KCNMA1: variants seen among roughly 807,000 people sequenced by gnomAD.
KCNMA1 encodes the protein Calcium-activated potassium channel subunit alpha-1.
Under a neutral mutation model 140.0 loss-of-function variants are expected in KCNMA1, and 29 were observed. The observed-to-expected ratio is 0.21, with a 90% CI of 0.15 to 0.28. The LOEUF (loss-of-function observed/expected upper bound fraction) is 0.28, where lower values mean the gene tolerates loss of function less well. Ranked by LOEUF, KCNMA1 falls within the 10% of genes least tolerant of loss-of-function variation. KCNMA1 has a pLI of 1.00. For missense variants in KCNMA1, 880 were observed against 1,602.2 expected (o/e 0.55, Z 7.70); for synonymous variants, 612 against 611.9 (o/e 1.00, Z 0.00).
chr10:77,388,792 G>A (rs544603392), intron 2 of KCNMA1, among the ~76,000 whole-genome samples: 44 of 152,142 alleles, frequency 2.9e-4, no homozygotes, highest in Non-Finnish European at 5.6e-4. Flanking sequence ...TCTCAGCCCC[G>A]GGAAGAGGAA....
intron 5 of KCNMA1, among the ~76,000 whole-genome samples, chr10:77,179,191 A>G (rs2098781296): frequency 6.6e-6 from 1 of 152,180 alleles, no homozygotes; most frequent in East Asian, 1.9e-4. Flanking sequence ...CAGGTGAGAT[A>G]ACTGAGCCTG....
rs550115452 is a variant in KCNMA1, at chr10:76,886,040, C to T, written c.*1226G>A. Reference sequence around the variant, plus strand: ...CTTTCTGCATTGGGACAGCCAGCACCGCACAGCTGTGCCAACAGTTGAAGG... The same window carrying T: ...CTTTCTGCATTGGGACAGCCAGCACTGCACAGCTGTGCCAACAGTTGAAGG... On this transcript the variant is annotated 3_prime_UTR_variant, in exon 28 of 28. Transcript: ENST00000286628. 22 of 985,404 alleles carry T rather than the reference C, an allele frequency of 2.2e-5. No individual in the cohort carries two copies. The African/African-American group carries it at 3.3e-4, about 15-fold the overall frequency. 61.0% of individuals were successfully genotyped at this position (985,404 alleles called of 1,614,324 possible).
chr10:76,921,133 G>A (rs2055598375), intron 23 of KCNMA1, among the ~76,000 whole-genome samples: 1 of 152,104 alleles, frequency 6.6e-6, no homozygotes, highest in African/African-American at 2.4e-5. Flanking sequence ...AAAGGAATTG[G>A]TTCAAATGGT....
chr10:77,421,087 T>C (rs1218702511), intron 1 of KCNMA1, among the ~76,000 whole-genome samples: 2 of 152,272 alleles, frequency 1.3e-5, no homozygotes, highest in African/African-American at 2.4e-5. Context: ...GCCAGGCATC[T>C]GGCCACATAC....
chr10:77,590,637 C>CAGTG (rs1431016904), intron 1 of KCNMA1, among the ~76,000 whole-genome samples: 1 of 152,256 alleles, frequency 6.6e-6, no homozygotes, highest in Non-Finnish European at 1.5e-5. Context: ...GGGGCTCCCA[C>CAGTG]AGTGCAGCAG....
intron 1 of KCNMA1, among the ~76,000 whole-genome samples, chr10:77,550,065 C>T (rs7068356): frequency 0.17 from 25,279 of 152,050 alleles, 2,913 homozygotes; most frequent in East Asian, 0.54. Flanking sequence ...GCATTGTGCA[C>T]GCACCCCCAG....
intron 1 of KCNMA1, among the ~76,000 whole-genome samples, chr10:77,495,937 T>C (rs923507627): frequency 4.6e-5 from 7 of 152,124 alleles, no homozygotes; most frequent in Admixed American, 2.0e-4. Context: ...CAGGAAGTCT[T>C]CCTGTGTGGA....
chr10:77,151,226 T>G (rs1310355276), intron 5 of KCNMA1, among the ~76,000 whole-genome samples: 2 of 151,490 alleles, frequency 1.3e-5, no homozygotes, highest in African/African-American at 4.9e-5. Flanking sequence ...CTTTCCTTCT[T>G]TCTTTCTCTT....
At chr10:76,995,316 T>C (rs1006199920) in intron 19 of KCNMA1, 57 of 228,552 alleles carry the variant, frequency 2.5e-4, no homozygotes, top group African/African-American at 1.3e-3. Context: ...ATTTAATAAC[T>C]CTTTGTTAAT....
downstream of KCNMA1, chr10:76,874,696 A>G (rs2032039689): frequency 6.6e-6 from 1 of 152,224 alleles, no homozygotes; most frequent in African/African-American, 2.4e-5. Flanking sequence ...AAAGTACATC[A>G]TAAGGTGCCA....
At chr10:77,500,642 A>C (rs2043532982) in intron 1 of KCNMA1, among the ~76,000 whole-genome samples, 1 of 152,246 alleles carries the variant, frequency 6.6e-6, no homozygotes, top group Admixed American at 6.5e-5. Context: ...AATGACTTTT[A>C]GGCACAAAGG....
intron 3 of KCNMA1, among the ~76,000 whole-genome samples, chr10:77,198,570 T>G (rs1452548444): frequency 1.2e-4 from 10 of 83,368 alleles, no homozygotes; most frequent in Admixed American, 3.4e-4. Flanking sequence ...ATATATGTGA[T>G]ATATATATAT....
intron 23 of KCNMA1, among the ~76,000 whole-genome samples, chr10:76,916,571 G>T (rs941382148): frequency 6.6e-6 from 1 of 152,148 alleles, no homozygotes; most frequent in African/African-American, 2.4e-5. Flanking sequence ...CACTCACTTC[G>T]GTTTCTCCTT....
chr10:77,179,988 T>C (rs927355024), intron 5 of KCNMA1, among the ~76,000 whole-genome samples: 2 of 152,154 alleles, frequency 1.3e-5, no homozygotes, highest in East Asian at 1.9e-4. Context: ...ATGCCGACAA[T>C]TGAAAACTAA....
At chr10:77,229,964 A>G (rs1478512019) in intron 3 of KCNMA1, among the ~76,000 whole-genome samples, 1 of 152,240 alleles carries the variant, frequency 6.6e-6, no homozygotes, top group East Asian at 1.9e-4. Context: ...AATTGAAAAC[A>G]GGAATTCAAA....
At chr10:77,355,800 C>G (rs2093425093) in intron 2 of KCNMA1, among the ~76,000 whole-genome samples, 1 of 152,122 alleles carries the variant, frequency 6.6e-6, no homozygotes, top group South Asian at 2.1e-4. Flanking sequence ...ATGAAAGCAC[C>G]TAACTAATAC....
intron 20 of KCNMA1, among the ~76,000 whole-genome samples, chr10:76,968,182 C>T (rs1393133764): frequency 1.3e-5 from 2 of 152,012 alleles, no homozygotes; most frequent in African/African-American, 2.4e-5. Context: ...AATATATCTA[C>T]AGGAAAGGCA....
At chr10:77,355,836 T>C (rs143980066) in intron 2 of KCNMA1, among the ~76,000 whole-genome samples, 1 of 114,894 alleles carries the variant, frequency 8.7e-6, no homozygotes, top group East Asian at 2.6e-4. Flanking sequence ...TGGCCATCCT[T>C]CTGGTAAAAG....
chr10:77,538,124 C>T (rs1473905315), intron 1 of KCNMA1, among the ~76,000 whole-genome samples: 2 of 151,374 alleles, frequency 1.3e-5, no homozygotes, highest in African/African-American at 4.9e-5. Context: ...TCACACACAC[C>T]CACATACTCT....
Sources: allele counts gnomAD v4.1 joint callset (sites outside exome capture counted in the v4.1 genomes callset), GRCh38; gene constraint gnomAD v4.1.1; transcripts MANE v1.5; gene names NCBI Gene and HGNC (gene_info 2026-07-23, HGNC 2026-07-21).